Variants in VRK2 observed in about 807,000 individuals in gnomAD.
VRK2 encodes serine/threonine-protein kinase VRK2.
Under a neutral mutation model 57.6 loss-of-function variants are expected in VRK2, and 60 were observed. That is an observed-to-expected ratio of 1.04 (90% CI 0.85 to 1.29). The LOEUF (loss-of-function observed/expected upper bound fraction) is 1.29. Ranked by LOEUF, VRK2 falls within the 50% of genes most tolerant of loss-of-function variation. The pLI is 0.00. For synonymous variants in VRK2, 231 were observed against 199.2 expected, an observed-to-expected ratio of 1.16 and a Z score of -1.35; for missense variants, 705 against 588.1, an observed-to-expected ratio of 1.20 and a Z score of -2.06.
At chr2:57,951,563 T>G (rs1002090731) in intron 1 of VRK2, among the ~76,000 whole-genome samples, 2 of 152,166 alleles carry the variant, frequency 1.3e-5, no homozygotes, top group Admixed American at 6.5e-5. Context: ...AGAGAAATCT[T>G]TAATGAAAAG....
At chr2:58,085,773 TTAAACA>T (rs1411227733) in intron 4 of VRK2, among the ~76,000 whole-genome samples, 7 of 151,888 alleles carry the variant, frequency 4.6e-5, no homozygotes, top group African/African-American at 1.7e-4. Context: ...TAGAGCTGTC[TTAAACA>T]TAAAAAACAT....
intron 2 of VRK2, among the ~76,000 whole-genome samples, chr2:58,049,993 A>G (rs1043623776): frequency 6.6e-6 from 1 of 152,252 alleles, no homozygotes; most frequent in Admixed American, 6.5e-5. Flanking sequence ...GTATGAGTCA[A>G]GTAAAGGACC....
At chr2:57,952,313 T>C (rs1671452163) in intron 1 of VRK2, among the ~76,000 whole-genome samples, 1 of 152,006 alleles carries the variant, frequency 6.6e-6, no homozygotes, top group Non-Finnish European at 1.5e-5. Context: ...AAATTGATAA[T>C]ACCCATAAGG....
At chr2:58,046,765 G>A, upstream of VRK2, 1 of 985,502 alleles carries the variant, frequency 1.0e-6, no homozygotes, top group Non-Finnish European at 1.2e-6. Flanking sequence ...CTCGAGTGCT[G>A]GGCCCGCCTC....
chr2:58,115,578 C>T (rs536243021), intron 7 of VRK2, among the ~76,000 whole-genome samples: 3 of 152,224 alleles, frequency 2.0e-5, no homozygotes, highest in East Asian at 3.9e-4. Flanking sequence ...ACGGTGTGGT[C>T]CTGGCTCTTG....
chr2:58,143,838 A>G (rs561489986), intron 11 of VRK2, among the ~76,000 whole-genome samples: 9 of 151,982 alleles, frequency 5.9e-5, no homozygotes, highest in South Asian at 4.2e-4. Flanking sequence ...GTGTGTGTCA[A>G]TGGGTGAATG....
At chr2:58,081,200 A>G (rs920950162) in intron 2 of VRK2, among the ~76,000 whole-genome samples, 5 of 152,006 alleles carry the variant, frequency 3.3e-5, no homozygotes, top group African/African-American at 7.2e-5. Flanking sequence ...TAAACTCCAC[A>G]TGTAATACTA....
chr2:58,148,864 C>T (rs539181133), intron 12 of VRK2, among the ~76,000 whole-genome samples: 1 of 151,902 alleles, frequency 6.6e-6, no homozygotes, highest in African/African-American at 2.4e-5. Context: ...ACTTGTCTCT[C>T]CTTACACCAA....
chr2:58,037,921 T>C (rs1460993875), intron 3 of VRK2, among the ~76,000 whole-genome samples: 5 of 152,134 alleles, frequency 3.3e-5, no homozygotes, highest in African/African-American at 7.2e-5. Context: ...TGCCATCTCA[T>C]TGGGAAAATA....
rs1252577567 is a variant in VRK2, at chr2:58,020,766, T to C, written c.-438-4899T>C. On this transcript the variant is annotated intron_variant, in intron 1 of 15. Coordinates refer to the VRK2 transcript ENST00000417641. ...TTAAAGTGCACATATTATCTTTTTC[T>C]AAAATAATAAAGTAAAATCTCCAAG... Among the ~76,000 whole-genome samples, 3 of 152,210 alleles carry C rather than the reference T, an allele frequency of 2.0e-5. No individual in the cohort carries two copies. The South Asian group carries it at 6.2e-4, about 32-fold the overall frequency.
chr2:58,086,794 A>G (rs868407967), intron 5 of VRK2, among the ~76,000 whole-genome samples: 29 of 152,322 alleles, frequency 1.9e-4, no homozygotes, highest in African/African-American at 6.3e-4. Flanking sequence ...GTCTTTGCAT[A>G]AGCTACCTGA....
At position 58,132,793 on chromosome 2, in the gene VRK2, G is replaced by T. The variant is rs532049018; in HGVS notation, c.797+865G>T. On this transcript the variant is annotated intron_variant, in intron 9 of 12. Coordinates refer to ENST00000340157, the MANE Select transcript of VRK2 (RefSeq NM_006296.7). ...TCTTAATACTGAGAAAGATTAGCCT[G>T]CAGATTCAGAAAAATACATATTACA... Among the ~76,000 whole-genome samples, 6 of 152,238 alleles carry T rather than the reference G, an allele frequency of 3.9e-5. No homozygotes were observed. In the East Asian group the frequency reaches 1.2e-3, roughly 29 times the overall value.
chr2:58,151,497 G>A (rs1683019347), intron 12 of VRK2, among the ~76,000 whole-genome samples: 1 of 151,408 alleles, frequency 6.6e-6, no homozygotes, highest in South Asian at 2.1e-4. Context: ...ATATAGTTGA[G>A]CCTCGCTATT....
At chr2:58,062,475 A>G (rs894450866) in intron 2 of VRK2, among the ~76,000 whole-genome samples, 1 of 152,096 alleles carries the variant, frequency 6.6e-6, no homozygotes, top group African/African-American at 2.4e-5. Context: ...TCGAAAGCTC[A>G]GATAGGTTAA....
intron 7 of VRK2, among the ~76,000 whole-genome samples, chr2:58,093,904 C>T (rs937374616): frequency 6.6e-6 from 1 of 152,150 alleles, no homozygotes; most frequent in African/African-American, 2.4e-5. Flanking sequence ...TTTCCCAGCA[C>T]CATTTATTAA....
chr2:58,085,934 T>C (rs1304916333), intron 4 of VRK2, among the ~76,000 whole-genome samples: 4 of 132,952 alleles, frequency 3.0e-5, no homozygotes, highest in East Asian at 1.9e-4. Context: ...TTTTTTCTTT[T>C]TTTTTTTTTT....
intron 2 of VRK2, among the ~76,000 whole-genome samples, chr2:58,056,225 G>T (rs1464578435): frequency 1.3e-5 from 2 of 152,082 alleles, no homozygotes; most frequent in African/African-American, 4.8e-5. Flanking sequence ...TATAGCCGTT[G>T]CTTTTGCTTT....
intron 7 of VRK2, among the ~76,000 whole-genome samples, chr2:58,096,681 T>C (rs1673185573): frequency 6.6e-6 from 1 of 151,866 alleles, no homozygotes; most frequent in Non-Finnish European, 1.5e-5. Context: ...TTTGACTCAT[T>C]AATGAGATTT....
At chr2:58,019,416 G>A (rs1164200403) in intron 1 of VRK2, among the ~76,000 whole-genome samples, 1 of 152,090 alleles carries the variant, frequency 6.6e-6, no homozygotes, top group African/African-American at 2.4e-5. Context: ...ATTGATACTA[G>A]CTTTTTATAG....
Sources: gnomAD v4.1 joint callset for allele counts (sites outside exome capture counted in the v4.1 genomes callset) on GRCh38, gnomAD v4.1.1 for gene constraint, MANE v1.5 for transcripts, NCBI Gene and HGNC (gene_info 2026-07-23, HGNC 2026-07-21) for gene names.